The following LRCH3 variants were observed in gnomAD, a reference collection of about 807,000 sequenced individuals.
LRCH3 encodes leucine rich repeats and calponin homology domain containing 3, also known as DISP complex protein LRCH3.
In LRCH3, 68 loss-of-function variants were observed where a neutral mutation model predicts 104.5. The observed-to-expected ratio is 0.65, with a 90% confidence interval of 0.54 to 0.80. The LOEUF is 0.80. Among genes scored for constraint, LRCH3 ranks in the 30% least tolerant of loss-of-function variants. The pLI is 0.00. For synonymous variants in LRCH3, 344 were observed against 361.3 expected (o/e 0.95, Z 0.54); for missense variants, 951 against 953.9 (o/e 1.00, Z 0.04).
chr3:197,835,542 A>G, intron 8 of LRCH3, 132 bp from the exon 9 acceptor site: 2 of 1,114,440 alleles, frequency 1.8e-6, no homozygotes, highest in East Asian at 6.2e-5. Flanking sequence ...TAAAGTTTTT[A>G]TCATCCCTCC....
At chr3:197,792,604 T>TATATATATATATATAA (rs1553912025) in intron 1 of LRCH3, among the ~76,000 whole-genome samples, 6 of 58,518 alleles carry the variant, frequency 1.0e-4, no homozygotes, top group African/African-American at 1.0e-4. Flanking sequence ...TATATATATA[T>TATATATATATATATAA]AAAATATACA....
rs933785684 is a variant in LRCH3, at chr3:197,841,085, C to T, written c.1328+1688C>T. Among the ~76,000 whole-genome samples, 9 of 152,306 alleles carry T rather than the reference C, an allele frequency of 5.9e-5. No homozygotes were observed. In the South Asian group the frequency reaches 8.3e-4, roughly 14 times the overall value. Reference sequence around the variant, plus strand: ...TTACAAAGTTAGCAGTTTAGAACAACACCTCTTTATTATATTATACTTCTG... The same window carrying T: ...TTACAAAGTTAGCAGTTTAGAACAATACCTCTTTATTATATTATACTTCTG... On this transcript the variant is annotated intron_variant, in intron 10 of 20. Coordinates refer to ENST00000425562, the MANE Select transcript of LRCH3 (RefSeq NM_001365715.1).
At chr3:197,797,977 G>A (rs185263774) in intron 1 of LRCH3, among the ~76,000 whole-genome samples, 82 of 152,196 alleles carry the variant, frequency 5.4e-4, no homozygotes, top group African/African-American at 2.0e-3. Context: ...TCTGAAGCTG[G>A]GTGCAGTGGC....
chr3:197,820,253 T>A (rs921212147), intron 3 of LRCH3, 72 bp from the exon 4 acceptor site: 2 of 1,094,712 alleles, frequency 1.8e-6, no homozygotes, highest in Non-Finnish European at 2.8e-6. Context: ...ACATATCTAA[T>A]TTTATAGACA....
intron 1 of LRCH3, among the ~76,000 whole-genome samples, chr3:197,796,474 G>A (rs534945309): frequency 6.6e-6 from 1 of 152,300 alleles, no homozygotes; most frequent in South Asian, 2.1e-4. Flanking sequence ...ATGTACAAAT[G>A]CTGATTGAAT....
At chr3:197,862,999 ATTTATTT>A (rs1172802404) in intron 15 of LRCH3, among the ~76,000 whole-genome samples, 3 of 149,338 alleles carry the variant, frequency 2.0e-5, no homozygotes, top group African/African-American at 7.7e-5. Flanking sequence ...TTTATTATTT[ATTTATTT>A]ATTTTTAGCA....
rs575226106 is a variant in LRCH3 at position 197,884,532 on chromosome 3, A to C, written c.*866A>C. The C allele has an allele frequency of 6.5e-6, 1 of 152,788 alleles. No homozygotes were observed. The highest frequency in any genetic ancestry group is 6.6e-5 in the Admixed American group (1 of 15,264). 9.5% of individuals were successfully genotyped at this position (152,788 alleles called of 1,614,324 possible). ...AGTGCTGGGATTACAGGCGTGAGCC[A>C]CTGTGCCCGGCCTCTGAGGGTGCTG... On this transcript the variant is annotated 3_prime_UTR_variant, in exon 21 of 21. Transcript: ENST00000425562.
chr3:197,826,839 A>G (rs770707908), intron 4 of LRCH3, 39 bp from the exon 5 acceptor site: 51 of 1,612,486 alleles, frequency 3.2e-5, no homozygotes, highest in Non-Finnish European at 4.2e-5. Context: ...TAGTTGTAAA[A>G]CATCATTAAT....
At chr3:197,868,120 A>T (rs1404132228) in intron 17 of LRCH3, among the ~76,000 whole-genome samples, 3 of 152,226 alleles carry the variant, frequency 2.0e-5, no homozygotes, top group Non-Finnish European at 1.5e-5. Context: ...TGCTGGTGAG[A>T]GTGTAAGAAA....
intron 4 of LRCH3, among the ~76,000 whole-genome samples, chr3:197,822,101 A>G (rs1311953091): frequency 6.6e-6 from 1 of 152,240 alleles, no homozygotes; most frequent in Admixed American, 6.5e-5. Context: ...TTGGATTCCA[A>G]GTAAATGTGT....
intron 10 of LRCH3, among the ~76,000 whole-genome samples, chr3:197,844,816 TCAC>T (rs1294587053): frequency 1.3e-5 from 2 of 151,906 alleles, no homozygotes; most frequent in Non-Finnish European, 2.9e-5. Flanking sequence ...AGACGGAGTT[TCAC>T]CATGTTGACC....
chr3:197,817,340 G>GTC (rs367618377), intron 3 of LRCH3, 38 bp downstream of exon 3: 3 of 519,626 alleles, frequency 5.8e-6, no homozygotes, highest in Non-Finnish European at 7.8e-6. Context: ...ATGTGTGTGT[G>GTC]TGTGTCTGTG....
In LRCH3 at chr3:197,871,326, A is replaced by G; in HGVS notation, c.1994A>G (p.His665Arg). The change falls in exon 19 of 21, where the codon CAT becomes CGT. Residue 665 changes from histidine (H) to arginine (R), a missense_variant and splice_region_variant. His to Arg is a conservative substitution (Grantham distance 29). Coordinates refer to ENST00000425562, the MANE Select transcript of LRCH3 (RefSeq NM_001365715.1). ...ATTACATGTTTTTTGTTCTTTCAGC[A>G]TATTGAGTACCGGTTGAAAGTGTCT... The part of the protein sequence containing the change: ...ELELIDQLRK[H>R]IEYRLKVSLP... 1 of 1,610,304 alleles carries G rather than the reference A, an allele frequency of 6.2e-7. No individual in the cohort carries two copies. Among genetic ancestry groups the G allele is most frequent in the South Asian group, 1.1e-5 (1 of 90,888 alleles).
At chr3:197,874,820 T>A (rs1357312127) in intron 19 of LRCH3, among the ~76,000 whole-genome samples, 5 of 152,198 alleles carry the variant, frequency 3.3e-5, no homozygotes, top group Admixed American at 6.5e-5. Context: ...GGCCAGCACT[T>A]CTTCTTGTAA....
rs1714284862 is a variant in LRCH3, at chr3:197,887,342, G to GCA, written c.*3676_*3677insCA. ...CCTTCCCATCACTGACAGTGTTGGG[G>GCA]GTTGAGAGCCCCCCAGCAGAGCCCT... On this transcript the variant is annotated 3_prime_UTR_variant, in exon 21 of 21. Coordinates refer to ENST00000425562, the MANE Select transcript of LRCH3 (RefSeq NM_001365715.1). 6.5e-6 allele frequency: 1 copy of GCA among 154,666 alleles called. No individual in the cohort carries two copies. The highest frequency in any genetic ancestry group is 2.4e-5 in the African/African-American group (1 of 41,302). 9.6% of individuals were successfully genotyped at this position (154,666 alleles called of 1,614,324 possible). A position where few individuals can be genotyped will look rare whatever the true frequency, so the allele number is the denominator to read the frequency against.
intron 20 of LRCH3, among the ~76,000 whole-genome samples, chr3:197,880,185 TC>T (rs1488275576): frequency 6.6e-6 from 1 of 151,998 alleles, no homozygotes. Flanking sequence ...GACCTCGTGA[TC>T]CACCCGCCTC....
intron 20 of LRCH3, among the ~76,000 whole-genome samples, chr3:197,880,015 G>C (rs186401029): frequency 2.0e-5 from 3 of 149,586 alleles, no homozygotes; most frequent in East Asian, 3.9e-4. Context: ...GCGCGATCTC[G>C]GCTCACTGCA....
At chr3:197,860,421 T>G (rs1472383785) in intron 15 of LRCH3, among the ~76,000 whole-genome samples, 1 of 152,212 alleles carries the variant, frequency 6.6e-6, no homozygotes, top group Admixed American at 6.5e-5. Flanking sequence ...ATTGTTGCAT[T>G]GAGCCAGGTA....
chr3:197,846,385 CA>C (rs113781589), intron 10 of LRCH3, among the ~76,000 whole-genome samples: 13,537 of 66,742 alleles, frequency 0.2, 615 homozygotes, highest in East Asian at 0.32. Flanking sequence ...CCTTGGGCCA[CA>C]AAAAAAAAAA....
Sources: allele counts gnomAD v4.1 joint callset (sites outside exome capture counted in the v4.1 genomes callset), GRCh38; gene constraint gnomAD v4.1.1; transcripts MANE v1.5; gene names NCBI Gene and HGNC (gene_info 2026-07-23, HGNC 2026-07-21).